RPS6KA2: variants seen among roughly 807,000 people sequenced by gnomAD.
The protein encoded by RPS6KA2 is ribosomal protein S6 kinase A2, also known as ribosomal protein S6 kinase alpha-2.
In RPS6KA2, 42 loss-of-function variants were observed where a neutral mutation model predicts 91.8. The observed-to-expected ratio is 0.46, with a 90% CI of 0.36 to 0.59. The LOEUF (loss-of-function observed/expected upper bound fraction) is 0.59. Among genes scored for constraint, RPS6KA2 ranks in the 20% least tolerant of loss-of-function variants. The probability of loss-of-function intolerance (pLI) is 0.00; values close to 1 mark genes in which losing one functional copy is unlikely to be tolerated. For synonymous variants in RPS6KA2, 414 were observed against 393.6 expected (o/e 1.05, Z -0.61); for missense variants, 798 against 978.5 (o/e 0.82, Z 2.46).
intron 10 of RPS6KA2, among the ~76,000 whole-genome samples, chr6:166,481,858 T>C (rs1377028743): frequency 1.0e-3 from 125 of 124,164 alleles, no homozygotes; most frequent in African/African-American, 2.9e-3. Flanking sequence ...TGTGCTGCAG[T>C]GTGGAGAGCT....
chr6:166,614,468 C>T (rs1046069884), intron 1 of RPS6KA2, among the ~76,000 whole-genome samples: 4 of 152,242 alleles, frequency 2.6e-5, no homozygotes, highest in Non-Finnish European at 5.9e-5. Flanking sequence ...CTGCCCTGGC[C>T]CCTGCCCGTG....
chr6:166,687,080 C>T (rs114054445), intron 2 of RPS6KA2, among the ~76,000 whole-genome samples: 17 of 152,190 alleles, frequency 1.1e-4, no homozygotes, highest in African/African-American at 2.4e-4. Context: ...CGGACACCTG[C>T]GACTCTGCCT....
intron 10 of RPS6KA2, among the ~76,000 whole-genome samples, chr6:166,479,623 T>C (rs1781115560): frequency 6.6e-6 from 1 of 152,272 alleles, no homozygotes. Context: ...GAGAAGTCTC[T>C]GGCATCAAAT....
chr6:166,770,215 C>T lies in RPS6KA2; in HGVS notation c.123+87985G>A, dbSNP rs1354978762. 6.6e-6 allele frequency among the ~76,000 whole-genome samples: 1 copy of T among 152,012 alleles called. No homozygotes were observed. The highest frequency in any genetic ancestry group is 1.5e-5 in the Non-Finnish European group (1 of 68,000). On this transcript the variant is annotated intron_variant, in intron 2 of 21. Transcript: ENST00000503859. This position sits in a 1 kb window ranked among gnomAD's most constrained non-coding sequence, Gnocchi z 5.1. ...CTACATTTCACCTGAGTGTTGCAGCCCAAAGCATTGAAAACAGCTATTAAA... is the reference window on the plus strand; with the variant it reads ...CTACATTTCACCTGAGTGTTGCAGCTCAAAGCATTGAAAACAGCTATTAAA...
At chr6:166,672,963 T>C (rs965516091) in intron 2 of RPS6KA2, among the ~76,000 whole-genome samples, 3 of 152,154 alleles carry the variant, frequency 2.0e-5, no homozygotes, top group Admixed American at 6.5e-5. Context: ...GGCGTGGGCT[T>C]GCTGCAGCCA....
rs2038960835 is a variant in RPS6KA2 at position 166,418,173 on chromosome 6, T to C, written c.1938+52A>G. The C allele has an allele frequency of 2.5e-6, 3 of 1,190,402 alleles. No homozygotes were observed. The highest frequency in any genetic ancestry group is 1.9e-5 in the Admixed American group (1 of 52,088). The allele number at this position is 1,190,402 out of a possible 1,614,324, so 73.7% of individuals were successfully genotyped here. On this transcript the variant is annotated intron_variant, in intron 19 of 20. Transcript: ENST00000265678. The surrounding 1 kb of genome is among the most constrained non-coding windows in gnomAD (Gnocchi z 4.9). ...TCCCCTGGCTTCCTCAGAAATCATA[T>C]GGCTATTTCAGAATCTGAATATTTA...
chr6:166,527,291 G>A (rs934507791), intron 3 of RPS6KA2, among the ~76,000 whole-genome samples: 11 of 152,134 alleles, frequency 7.2e-5, no homozygotes, highest in African/African-American at 2.2e-4. Flanking sequence ...AGAAGGAACC[G>A]TTACGCTTGA....
intron 2 of RPS6KA2, among the ~76,000 whole-genome samples, chr6:166,804,773 T>C (rs1457611872): frequency 6.6e-6 from 1 of 152,174 alleles, no homozygotes; most frequent in Non-Finnish European, 1.5e-5. Context: ...TTAAAATTTA[T>C]TCTCTTTTTG....
intron 8 of RPS6KA2, among the ~76,000 whole-genome samples, chr6:166,492,938 G>A (rs1781656328): frequency 6.7e-6 from 1 of 148,224 alleles, no homozygotes; most frequent in Admixed American, 6.8e-5. Context: ...CACCATGTTG[G>A]CCAGGCTGAA....
chr6:166,687,192 C>T (rs762286747), intron 2 of RPS6KA2, among the ~76,000 whole-genome samples: 11 of 152,188 alleles, frequency 7.2e-5, no homozygotes, highest in South Asian at 2.1e-4. Flanking sequence ...GCAGCCACCG[C>T]GGGCAGAGTT....
Position 166,821,121 on chromosome 6 carries a change from G to A in RPS6KA2, c.123+37079C>T, listed in dbSNP as rs182423871. ...TTTTGTATCACACGCTAGGCACAGA[G>A]TGAGCACATAGGAATTATAAGTATT... is the stretch of plus-strand genomic sequence containing the variant. On this transcript the variant is annotated intron_variant, in intron 2 of 21. Coordinates refer to the RPS6KA2 transcript ENST00000503859. This position sits in a 1 kb window ranked among gnomAD's most constrained non-coding sequence, Gnocchi z 4.1. Among the ~76,000 whole-genome samples, 12 of 152,324 alleles carry A rather than the reference G, an allele frequency of 7.9e-5. No homozygotes were observed. The East Asian group carries it at 1.7e-3, about 22-fold the overall frequency.
chr6:166,817,964 C>T (rs983619064), intron 2 of RPS6KA2, among the ~76,000 whole-genome samples: 1 of 152,036 alleles, frequency 6.6e-6, no homozygotes, highest in Non-Finnish European at 1.5e-5. Flanking sequence ...CTCAGGCAAT[C>T]CACCCACCTC....
intron 10 of RPS6KA2, among the ~76,000 whole-genome samples, chr6:166,473,359 A>G (rs1442952378): frequency 6.6e-6 from 1 of 151,846 alleles, no homozygotes; most frequent in Admixed American, 6.6e-5. Flanking sequence ...CCTGGCTAAT[A>G]TTTTGTATTT....
chr6:166,608,993 C>T (rs1249652969), intron 1 of RPS6KA2, among the ~76,000 whole-genome samples: 1 of 152,140 alleles, frequency 6.6e-6, no homozygotes, highest in Non-Finnish European at 1.5e-5. Flanking sequence ...ATAGGCTCAG[C>T]CCCAGTTCAA....
At chr6:166,583,150 A>G (rs1327320625) in intron 1 of RPS6KA2, among the ~76,000 whole-genome samples, 1 of 152,262 alleles carries the variant, frequency 6.6e-6, no homozygotes, top group Non-Finnish European at 1.5e-5. Flanking sequence ...TTTTCAAGGT[A>G]TCATATTACA....
At chr6:166,780,806 T>C (rs575455935) in intron 2 of RPS6KA2, among the ~76,000 whole-genome samples, 1 of 152,290 alleles carries the variant, frequency 6.6e-6, no homozygotes, top group South Asian at 2.1e-4. Context: ...AAAGTGTGTC[T>C]GCAACATTGC....
chr6:166,848,990 G>A (rs2128631761), intron 2 of RPS6KA2, among the ~76,000 whole-genome samples: 1 of 151,966 alleles, frequency 6.6e-6, no homozygotes, highest in East Asian at 1.9e-4. Context: ...GTCCCAAAAG[G>A]CTTCCAGGAA....
chr6:166,507,896 G>A (rs552837519), intron 5 of RPS6KA2, among the ~76,000 whole-genome samples: 39 of 58,832 alleles, frequency 6.6e-4, no homozygotes, highest in Admixed American at 2.4e-3. Context: ...CCCCACACAC[G>A]CACTCAAACA....
At chr6:166,832,102 T>G (rs962948984) in intron 2 of RPS6KA2, among the ~76,000 whole-genome samples, 2 of 151,832 alleles carry the variant, frequency 1.3e-5, no homozygotes, top group African/African-American at 4.8e-5. Flanking sequence ...TCTACAGTAG[T>G]GAGTTGGTTG....
Sources: allele counts gnomAD v4.1 joint callset (sites outside exome capture counted in the v4.1 genomes callset), GRCh38; gene constraint gnomAD v4.1.1; non-coding constraint Gnocchi (gnomAD v3.1); transcripts MANE v1.5; gene names NCBI Gene and HGNC (gene_info 2026-07-23, HGNC 2026-07-21).